DENND2A: variants seen among roughly 807,000 people sequenced by gnomAD.
The protein encoded by DENND2A is DENN domain-containing protein 2A.
Under a neutral mutation model 105.3 loss-of-function variants are expected in DENND2A, and 53 were observed. That is an observed-to-expected ratio of 0.50 (90% CI 0.40 to 0.63). The LOEUF (loss-of-function observed/expected upper bound fraction) is 0.63, where lower values mean the gene tolerates loss of function less well. Ranked by LOEUF, DENND2A falls within the 30% of genes least tolerant of loss-of-function variation. The probability of loss-of-function intolerance (pLI) is 0.00; values close to 1 mark genes in which losing one functional copy is unlikely to be tolerated. For synonymous variants in DENND2A, 522 were observed against 508.4 expected, an observed-to-expected ratio of 1.03 and a Z score of -0.36; for missense variants, 1,138 against 1,279.6, an observed-to-expected ratio of 0.89 and a Z score of 1.69.
intron 12 of DENND2A, among the ~76,000 whole-genome samples, chr7:140,550,557 G>T (rs1385719494): frequency 6.6e-6 from 1 of 152,148 alleles, no homozygotes; most frequent in Non-Finnish European, 1.5e-5. Context: ...CTGACATCAG[G>T]TGATCTGCCC....
Position 140,569,716 on chromosome 7 carries a change from A to G in DENND2A, c.1469T>C (p.Ile490Thr). Residue 490 changes from isoleucine (I) to threonine (T), a missense_variant, in exon 7 of 20, where the codon ATT (isoleucine) becomes ACT (threonine). Ile to Thr is a moderately conservative substitution (Grantham distance 89). This residue lies in a region of DENND2A where 627 missense variants were observed against 779.8 expected (regional missense o/e 0.80). Coordinates refer to ENST00000496613, the MANE Select transcript of DENND2A (RefSeq NM_015689.5). Reference protein sequence around the residue: ...IPKLVLRINAIYEVRRGKKRV... With the variant: ...IPKLVLRINATYEVRRGKKRV... ...TTTCTTTCCTCTCCGGACCTCATAA[A>G]TGGCGTTGATTCGCAACACCAGCTG... The G allele has an allele frequency of 1.2e-6, 2 of 1,613,540 alleles. No homozygotes were observed. The highest frequency in any genetic ancestry group is 2.2e-5 in the South Asian group (2 of 91,064).
At chr7:140,563,573 A>G (rs1056657114) in intron 9 of DENND2A, among the ~76,000 whole-genome samples, 1 of 151,500 alleles carries the variant, frequency 6.6e-6, no homozygotes, top group African/African-American at 2.4e-5. Context: ...AAGAGAGAGA[A>G]GGAGGAAAAG....
intron 14 of DENND2A, among the ~76,000 whole-genome samples, chr7:140,536,520 G>A (rs1212146289): frequency 1.3e-5 from 2 of 152,190 alleles, no homozygotes; most frequent in African/African-American, 4.8e-5. Context: ...GGATATGTCA[G>A]TGATGGGTCT....
At chr7:140,613,670 T>TAAA (rs1019747103) in intron 1 of DENND2A, among the ~76,000 whole-genome samples, 1 of 117,112 alleles carries the variant, frequency 8.5e-6, no homozygotes, top group African/African-American at 3.7e-5. Context: ...CCCTTAAAAT[T>TAAA]AAAAAAAAAA....
chr7:140,578,473 A>G (rs1798399668), intron 5 of DENND2A, among the ~76,000 whole-genome samples: 1 of 151,998 alleles, frequency 6.6e-6, no homozygotes, highest in African/African-American at 2.4e-5. Context: ...CTCTTAGGAG[A>G]CCTCCTGTGC....
chr7:140,632,902 C>G (rs1270646561), intron 1 of DENND2A, among the ~76,000 whole-genome samples: 1 of 128,466 alleles, frequency 7.8e-6, no homozygotes, highest in African/African-American at 3.1e-5. Flanking sequence ...CCCTCTTTTG[C>G]CCAGGCTGGA....
At chr7:140,558,915 G>A (rs997351879) in intron 10 of DENND2A, among the ~76,000 whole-genome samples, 1 of 151,064 alleles carries the variant, frequency 6.6e-6, no homozygotes, top group African/African-American at 2.4e-5. Context: ...CGATTCTCCT[G>A]CCCCAGCGCC....
intron 1 of DENND2A, among the ~76,000 whole-genome samples, chr7:140,620,953 C>T (rs568204425): frequency 6.6e-6 from 1 of 152,298 alleles, no homozygotes; most frequent in African/African-American, 2.4e-5. Flanking sequence ...CAGATATCAA[C>T]ATTCATGGAT....
intron 1 of DENND2A, among the ~76,000 whole-genome samples, chr7:140,624,860 T>C (rs1314566270): frequency 6.7e-6 from 1 of 149,942 alleles, no homozygotes; most frequent in African/African-American, 2.5e-5. Context: ...TTTTTTTTGT[T>C]TTTTTTTGTT....
intron 1 of DENND2A, among the ~76,000 whole-genome samples, chr7:140,615,039 A>G (rs115488851): frequency 0.01 from 1,522 of 151,954 alleles, 23 homozygotes; most frequent in African/African-American, 0.035. Flanking sequence ...GCTAATTTCC[A>G]TATTTTTTGT....
rs1165756674 is a variant in DENND2A at position 140,523,639 on chromosome 7, A to G, written c.2548-215T>C. On this transcript the variant is annotated intron_variant, in intron 16 of 19. Coordinates refer to ENST00000496613, the MANE Select transcript of DENND2A (RefSeq NM_015689.5). The surrounding 1 kb of genome is among the most constrained non-coding windows in gnomAD (Gnocchi z 4.5). The stretch of plus-strand genomic sequence containing the variant: ...GTCGCATAGTCTGGAGTGCAATGCC[A>G]TGATCTTGGCTCACTGCAACCTCTG... Among the ~76,000 whole-genome samples the G allele has an allele frequency of 6.6e-6, 1 of 152,000 alleles. No homozygotes were observed. The highest frequency in any genetic ancestry group is 1.5e-5 in the Non-Finnish European group (1 of 67,986).
chr7:140,535,836 C>A (rs948686901), intron 14 of DENND2A, among the ~76,000 whole-genome samples: 4 of 152,086 alleles, frequency 2.6e-5, no homozygotes, highest in Non-Finnish European at 4.4e-5. Context: ...CCTGCCTCGG[C>A]CTCCCAAAGT....
chr7:140,528,816 A>T (rs151030367), intron 14 of DENND2A, among the ~76,000 whole-genome samples: 1,756 of 151,308 alleles, frequency 0.012, 31 homozygotes, highest in African/African-American at 0.041. Context: ...TGAAATTTTT[A>T]AAAATAATAA....
At chr7:140,519,817 T>G (rs11984104) in intron 18 of DENND2A, 99 bp from the exon 19 acceptor site, 5 of 1,097,092 alleles carry the variant, frequency 4.6e-6, no homozygotes, top group Non-Finnish European at 7.0e-6. Flanking sequence ...ACCTTGTTTC[T>G]GAGACTAAGC....
intron 6 of DENND2A, among the ~76,000 whole-genome samples, chr7:140,569,958 A>G (rs1798026952): frequency 6.6e-6 from 1 of 151,952 alleles, no homozygotes; most frequent in African/African-American, 2.4e-5. Context: ...GCAATGGCGC[A>G]ATCTCAGCTC....
At chr7:140,601,373 G>T in intron 3 of DENND2A, 30 bp downstream of exon 3, 1 of 1,538,994 alleles carries the variant, frequency 6.5e-7, no homozygotes, top group Non-Finnish European at 8.7e-7. Context: ...GTCAGGTGGC[G>T]ACACTCTGCC....
chr7:140,547,262 A>C (rs957673729), intron 12 of DENND2A, among the ~76,000 whole-genome samples: 1 of 152,224 alleles, frequency 6.6e-6, no homozygotes, highest in Non-Finnish European at 1.5e-5. Context: ...ATATAACCCC[A>C]AGGGGGTAAG....
chr7:140,558,256 C>T, intron 10 of DENND2A, 44 bp from the exon 11 acceptor site: 1 of 1,487,082 alleles, frequency 6.7e-7, no homozygotes, highest in African/African-American at 1.4e-5. Flanking sequence ...CAAAACAAAA[C>T]CAAAGACACC....
intron 3 of DENND2A, among the ~76,000 whole-genome samples, chr7:140,599,330 GA>G (rs199973107): frequency 1.1e-4 from 16 of 146,928 alleles, no homozygotes; most frequent in African/African-American, 3.3e-4. Flanking sequence ...ACTCTGTCTC[GA>G]AAAAAAAATA....
Sources: allele counts gnomAD v4.1 joint callset (sites outside exome capture counted in the v4.1 genomes callset), GRCh38; gene constraint gnomAD v4.1.1; regional missense constraint gnomAD v4.1.1; non-coding constraint Gnocchi (gnomAD v3.1); transcripts MANE v1.5; gene names NCBI Gene and HGNC (gene_info 2026-07-23, HGNC 2026-07-21).